TMEM132D: variants seen among roughly 807,000 people sequenced by gnomAD.
TMEM132D encodes the protein transmembrane protein 132D.
A neutral mutation model predicts 62.3 loss-of-function variants in TMEM132D; 21 were observed. The ratio of observed to expected loss-of-function variants is 0.34; its 90% confidence interval spans 0.24 to 0.49. The LOEUF (loss-of-function observed/expected upper bound fraction) is 0.49, where lower values mean the gene tolerates loss of function less well. TMEM132D is among the 20% of genes least tolerant of loss of function. The pLI is 0.99. For synonymous variants in TMEM132D, 621 were observed against 575.6 expected (o/e 1.08, Z -1.13); for missense variants, 1,346 against 1,402.8 (o/e 0.96, Z 0.65).
intron 2 of TMEM132D, among the ~76,000 whole-genome samples, chr12:129,672,704 T>C (rs1276179799): frequency 6.6e-6 from 1 of 152,200 alleles, no homozygotes; most frequent in Non-Finnish European, 1.5e-5. Flanking sequence ...CATATGTGCA[T>C]ATATGTATAT....
chr12:129,363,311 A>C (rs955266424), intron 3 of TMEM132D, among the ~76,000 whole-genome samples: 3 of 152,232 alleles, frequency 2.0e-5, no homozygotes, highest in Non-Finnish European at 4.4e-5. Context: ...GAAGCATGTA[A>C]AATCTAACAC....
intron 2 of TMEM132D, among the ~76,000 whole-genome samples, chr12:129,575,448 T>A (rs1877634589): frequency 6.6e-6 from 1 of 151,834 alleles, no homozygotes; most frequent in African/African-American, 2.4e-5. Context: ...TGTGAAGATA[T>A]CCTTGACTGC....
At chr12:129,094,730 T>C (rs535951941) in intron 5 of TMEM132D, among the ~76,000 whole-genome samples, 2,440 of 152,198 alleles carry the variant, frequency 0.016, 42 homozygotes, top group Non-Finnish European at 0.025. Flanking sequence ...GACACATGCA[T>C]ACGTATGTTT....
intron 3 of TMEM132D, among the ~76,000 whole-genome samples, chr12:129,383,105 G>A (rs765833530): frequency 2.8e-4 from 43 of 152,204 alleles, no homozygotes; most frequent in Non-Finnish European, 5.0e-4. Context: ...GTGGAGTCCA[G>A]CAGGCTACCC....
At position 129,903,536 on chromosome 12, in the gene TMEM132D, C is replaced by T. The variant is rs1593205740; in HGVS notation, c.-197G>A. 5.1e-6 allele frequency: 3 copies of T among 590,286 alleles called. No individual in the cohort carries two copies. Among genetic ancestry groups the T allele is most frequent in the East Asian group, 5.7e-5 (2 of 35,100 alleles). 36.6% of individuals were successfully genotyped at this position (590,286 alleles called of 1,614,324 possible). ...CGGGAGGCGACGACCGCGCGGGCTC[C>T]TGAGTTGCTCTCCGGAGTCCAACAC... On this transcript the variant is annotated 5_prime_UTR_variant, in exon 1 of 9. Transcript: ENST00000422113. The surrounding 1 kb of genome is among the most constrained non-coding windows in gnomAD (Gnocchi z 6.2).
At chr12:129,772,239 C>T (rs1870778433) in intron 1 of TMEM132D, among the ~76,000 whole-genome samples, 1 of 152,142 alleles carries the variant, frequency 6.6e-6, no homozygotes, top group South Asian at 2.1e-4. Flanking sequence ...TACTTTCATA[C>T]ACCTATAATT....
At chr12:129,519,927 G>A (rs1321685510) in intron 3 of TMEM132D, among the ~76,000 whole-genome samples, 3 of 151,982 alleles carry the variant, frequency 2.0e-5, no homozygotes, top group Admixed American at 2.0e-4. Flanking sequence ...TTGTTTTAAA[G>A]GTATCAAGGA....
At chr12:129,128,521 A>T (rs1174523720) in intron 5 of TMEM132D, among the ~76,000 whole-genome samples, 1 of 152,056 alleles carries the variant, frequency 6.6e-6, no homozygotes, top group Non-Finnish European at 1.5e-5. Flanking sequence ...CTTGGGGAAA[A>T]CCACCCCCAT....
chr12:129,089,587 G>T (rs57126727), intron 5 of TMEM132D, among the ~76,000 whole-genome samples: 2,806 of 58,284 alleles, frequency 0.048, 445 homozygotes, highest in African/African-American at 0.15. Context: ...TGACCGGGGT[G>T]TCCTCCCTGA....
At chr12:129,686,149 T>C (rs1286849293) in intron 2 of TMEM132D, among the ~76,000 whole-genome samples, 1 of 152,146 alleles carries the variant, frequency 6.6e-6, no homozygotes, top group East Asian at 1.9e-4. Context: ...GGCATGACTA[T>C]GTTTTGAAGT....
Position 129,477,488 on chromosome 12 carries a change from T to C in TMEM132D, c.1115+53571A>G, listed in dbSNP as rs530580148. Among the ~76,000 whole-genome samples, 6 of 152,320 alleles carry C rather than the reference T, an allele frequency of 3.9e-5. No homozygotes were observed. In the South Asian group the frequency reaches 1.0e-3, roughly 26 times the overall value. ...AAAACTATCTGCTCCTCTTAAACCT[T>C]GGTTTTAAGGCCTAAACTTAGAGAG... On this transcript the variant is annotated intron_variant, in intron 3 of 8. Transcript: ENST00000422113.
At position 129,903,104 on chromosome 12, in the gene TMEM132D, C is replaced by G. The variant is rs1187698491; in HGVS notation, c.79+157G>C. 6.6e-6 allele frequency among the ~76,000 whole-genome samples: 1 copy of G among 152,224 alleles called. No individual in the cohort carries two copies. The highest frequency in any genetic ancestry group is 1.9e-4 in the East Asian group (1 of 5,178). On this transcript the variant is annotated intron_variant, in intron 1 of 8. Coordinates refer to ENST00000422113, the MANE Select transcript of TMEM132D (RefSeq NM_133448.3). This position sits in a 1 kb window ranked among gnomAD's most constrained non-coding sequence, Gnocchi z 6.2. ...CCGAGGAGCTTGGCTGCCGCACGAGCGCACGTTCACACGCGCGCACACACA... is the reference window on the plus strand; with the variant it reads ...CCGAGGAGCTTGGCTGCCGCACGAGGGCACGTTCACACGCGCGCACACACA...
At chr12:129,429,173 C>CTCACTGTAGTCCAAAGTCCTTCAAGTTA (rs1566065698) in intron 3 of TMEM132D, among the ~76,000 whole-genome samples, 37 of 134,790 alleles carry the variant, frequency 2.7e-4, no homozygotes, top group Non-Finnish European at 3.2e-4. Context: ...CCTTCAAGTT[C>CTCACTGTAGTCCAAAGTCCTTCAAGTTA]CTCACTGTAG....
chr12:129,755,360 G>A (rs986108892), intron 1 of TMEM132D, among the ~76,000 whole-genome samples: 3 of 152,104 alleles, frequency 2.0e-5, no homozygotes, highest in Non-Finnish European at 2.9e-5. Context: ...CTATTTTTAC[G>A]AAAAGTGTGC....
intron 1 of TMEM132D, among the ~76,000 whole-genome samples, chr12:129,795,812 G>A (rs1424250133): frequency 6.6e-6 from 1 of 152,082 alleles, no homozygotes; most frequent in South Asian, 2.1e-4. Flanking sequence ...TGTCATTAAT[G>A]TGTTATATTA....
chr12:129,219,751 T>C (rs1318943491), intron 4 of TMEM132D, among the ~76,000 whole-genome samples: 2 of 152,190 alleles, frequency 1.3e-5, no homozygotes, highest in Non-Finnish European at 2.9e-5. Context: ...GCTCACTTGA[T>C]AAGATCATAT....
intron 7 of TMEM132D, 140 bp from the exon 8 acceptor site, chr12:129,078,865 T>G: frequency 1.3e-6 from 1 of 758,852 alleles, no homozygotes; most frequent in Non-Finnish European, 2.1e-6. Flanking sequence ...CCTTTCCCAC[T>G]CACACCACCT....
chr12:129,343,061 C>G (rs1208617238), intron 3 of TMEM132D, among the ~76,000 whole-genome samples: 1 of 152,196 alleles, frequency 6.6e-6, no homozygotes, highest in South Asian at 2.1e-4. Context: ...TTTGACCCAG[C>G]CATCCCATTA....
intron 2 of TMEM132D, among the ~76,000 whole-genome samples, chr12:129,620,351 C>A (rs1879032171): frequency 6.6e-6 from 1 of 152,108 alleles, no homozygotes; most frequent in Non-Finnish European, 1.5e-5. Flanking sequence ...GCAATCCCAG[C>A]ACTTTGGGAT....
Sources: allele counts gnomAD v4.1 joint callset (sites outside exome capture counted in the v4.1 genomes callset), GRCh38; gene constraint gnomAD v4.1.1; non-coding constraint Gnocchi (gnomAD v3.1); transcripts MANE v1.5; gene names NCBI Gene and HGNC (gene_info 2026-07-23, HGNC 2026-07-21).